Variants in PARD3B observed in about 807,000 individuals in gnomAD.
PARD3B encodes par-3 family cell polarity regulator beta.
Under a neutral mutation model 130.2 loss-of-function variants are expected in PARD3B, and 103 were observed. The ratio of observed to expected loss-of-function variants is 0.79; its 90% CI spans 0.67 to 0.93. The LOEUF is 0.93. Ranked by LOEUF, PARD3B falls within the 40% of genes least tolerant of loss-of-function variation. PARD3B has a pLI of 0.00. For synonymous variants in PARD3B, 583 were observed against 553.2 expected (o/e 1.05, Z -0.76); for missense variants, 1,609 against 1,499.2 (o/e 1.07, Z -1.21).
intron 2 of PARD3B, among the ~76,000 whole-genome samples, chr2:204,749,574 A>G (rs2040381308): frequency 6.6e-6 from 1 of 152,112 alleles, no homozygotes; most frequent in Non-Finnish European, 1.5e-5. Context: ...ATCTTTTTTT[A>G]TTCTAAAAAT....
chr2:204,916,492 T>C (rs1171754431), intron 2 of PARD3B, among the ~76,000 whole-genome samples: 3 of 152,226 alleles, frequency 2.0e-5, no homozygotes, highest in African/African-American at 7.2e-5. Flanking sequence ...CCAATTTATA[T>C]GGTAGCATAT....
At chr2:204,837,852 C>T (rs2044105566) in intron 2 of PARD3B, among the ~76,000 whole-genome samples, 1 of 152,088 alleles carries the variant, frequency 6.6e-6, no homozygotes, top group Admixed American at 6.6e-5. Context: ...TATGAGATAA[C>T]CCATCACATA....
At chr2:205,467,899 G>A (rs1575095495) in intron 20 of PARD3B, among the ~76,000 whole-genome samples, 1 of 152,144 alleles carries the variant, frequency 6.6e-6, no homozygotes, top group African/African-American at 2.4e-5. Flanking sequence ...ATAGACTAGG[G>A]TAAGAAAAAG....
intron 1 of PARD3B, among the ~76,000 whole-genome samples, chr2:204,639,586 C>G (rs558557144): frequency 6.6e-6 from 1 of 152,222 alleles, no homozygotes; most frequent in East Asian, 1.9e-4. Flanking sequence ...ACTGTTTACA[C>G]AGAATTTAAT....
At chr2:204,657,604 C>T (rs2035680815) in intron 1 of PARD3B, among the ~76,000 whole-genome samples, 1 of 152,104 alleles carries the variant, frequency 6.6e-6, no homozygotes, top group Non-Finnish European at 1.5e-5. Flanking sequence ...TTTATGAAGG[C>T]TGTGTGCTTA....
chr2:205,361,669 T>C (rs774706742), intron 18 of PARD3B, among the ~76,000 whole-genome samples: 1 of 152,228 alleles, frequency 6.6e-6, no homozygotes, highest in Non-Finnish European at 1.5e-5. Context: ...CAGTAGGTTT[T>C]ACTCACTTAA....
chr2:204,840,708 C>A (rs1231177583), intron 2 of PARD3B, among the ~76,000 whole-genome samples: 1 of 152,116 alleles, frequency 6.6e-6, no homozygotes, highest in Non-Finnish European at 1.5e-5. Flanking sequence ...TCCAGGGTTT[C>A]ATCTTCTGCA....
At chr2:205,331,802 A>AAAAG (rs1199979888) in intron 18 of PARD3B, among the ~76,000 whole-genome samples, 3 of 149,320 alleles carry the variant, frequency 2.0e-5, no homozygotes, top group Non-Finnish European at 4.4e-5. Context: ...AAAAAAAAAA[A>AAAAG]AAAGAAGTAG....
chr2:205,110,606 A>C lies in PARD3B; in HGVS notation c.594-2885A>C, dbSNP rs552965522. On this transcript the variant is annotated intron_variant, in intron 5 of 22. Coordinates refer to ENST00000406610, the MANE Select transcript of PARD3B (RefSeq NM_001302769.2). ...TGTATAACCAAAATATTTTTCTTTTATCTCACACAGTTTATTTTCTGTTTT... is the reference window on the plus strand; with the variant it reads ...TGTATAACCAAAATATTTTTCTTTTCTCTCACACAGTTTATTTTCTGTTTT... 2.7e-5 allele frequency among the ~76,000 whole-genome samples: 4 copies of C among 147,936 alleles called. No homozygotes were observed. In the South Asian group the frequency reaches 8.5e-4, roughly 32 times the overall value.
intron 2 of PARD3B, among the ~76,000 whole-genome samples, chr2:204,736,436 C>T (rs1236935099): frequency 6.6e-6 from 1 of 152,036 alleles, no homozygotes; most frequent in Non-Finnish European, 1.5e-5. Context: ...TTTCATCCTC[C>T]TCCTCCTGAG....
At chr2:204,816,365 G>A (rs1203446005) in intron 2 of PARD3B, among the ~76,000 whole-genome samples, 3 of 150,982 alleles carry the variant, frequency 2.0e-5, no homozygotes, top group South Asian at 2.1e-4. Context: ...GTGTAGATAC[G>A]TTTTTCTATC....
At chr2:204,984,301 G>T (rs899008352) in intron 3 of PARD3B, among the ~76,000 whole-genome samples, 2 of 152,074 alleles carry the variant, frequency 1.3e-5, no homozygotes, top group Admixed American at 6.6e-5. Flanking sequence ...ATAGTCAGTT[G>T]AGACTAATCA....
At chr2:205,155,082 G>A (rs2034028990) in intron 10 of PARD3B, among the ~76,000 whole-genome samples, 1 of 151,748 alleles carries the variant, frequency 6.6e-6, no homozygotes, top group African/African-American at 2.4e-5. Context: ...ACAAATTTAG[G>A]TTATTCTTAT....
At position 205,526,447 on chromosome 2, in the gene PARD3B, G is replaced by A. The variant is rs921619480; in HGVS notation, c.3180+26416G>A. 5.3e-5 allele frequency among the ~76,000 whole-genome samples: 8 copies of A among 152,160 alleles called. 1 individual carries two copies. The South Asian group carries it at 1.7e-3, about 32-fold the overall frequency. The stretch of plus-strand genomic sequence containing the variant: ...CCTTTTTCTAAAATTTTGGTAAGCA[G>A]ATATACCCAGAAGTATGCCAGCCAG... On this transcript the variant is annotated intron_variant, in intron 21 of 22. Transcript: ENST00000406610.
intron 21 of PARD3B, among the ~76,000 whole-genome samples, chr2:205,547,610 T>C (rs986562911): frequency 1.3e-5 from 2 of 152,122 alleles, no homozygotes; most frequent in Admixed American, 6.6e-5. Context: ...ACAATGCTCA[T>C]ATCAGGAGCC....
At chr2:205,107,680 C>A (rs1427438395) in intron 5 of PARD3B, among the ~76,000 whole-genome samples, 1 of 152,188 alleles carries the variant, frequency 6.6e-6, no homozygotes. Context: ...AAACACATTG[C>A]TCCATAAATC....
At position 205,241,776 on chromosome 2, in the gene PARD3B, A is replaced by G. The variant is rs1026424589; in HGVS notation, c.2141-4002A>G. On this transcript the variant is annotated intron_variant, in intron 15 of 22. Transcript: ENST00000406610. This position sits in a 1 kb window ranked among gnomAD's most constrained non-coding sequence, Gnocchi z 4.2. Reference sequence around the variant, plus strand: ...TCTCTTGTAAATAAGTCCTTTGTTTAAAATGACACACCTGTCACATTTCAT... The same window carrying G: ...TCTCTTGTAAATAAGTCCTTTGTTTGAAATGACACACCTGTCACATTTCAT... 2.0e-5 allele frequency among the ~76,000 whole-genome samples: 3 copies of G among 152,160 alleles called. No homozygotes were observed. The highest frequency in any genetic ancestry group is 4.4e-5 in the Non-Finnish European group (3 of 68,010).
intron 21 of PARD3B, among the ~76,000 whole-genome samples, chr2:205,509,104 A>G (rs925289120): frequency 6.6e-6 from 1 of 152,166 alleles, no homozygotes; most frequent in Non-Finnish European, 1.5e-5. Flanking sequence ...TAAATATAGC[A>G]TAAATCATTT....
At position 205,209,409 on chromosome 2, in the gene PARD3B, G is replaced by T. The variant is rs111878493; in HGVS notation, c.2140+16089G>T. On this transcript the variant is annotated intron_variant, in intron 15 of 22. Coordinates refer to ENST00000406610, the MANE Select transcript of PARD3B (RefSeq NM_001302769.2). ...CTGTGTTCCTTTTTAAAGAACTTTT[G>T]TTTTCATATAAGAACATCTTCCTAA... is the stretch of plus-strand genomic sequence containing the variant. Among the ~76,000 whole-genome samples, 1,222 of 152,176 alleles carry T rather than the reference G, an allele frequency of 8.0e-3. 17 individuals carry two copies. Among genetic ancestry groups the T allele is most frequent in the African/African-American group, 0.014 (573 of 41,540 alleles).
Sources: allele counts gnomAD v4.1 joint callset (sites outside exome capture counted in the v4.1 genomes callset), GRCh38; gene constraint gnomAD v4.1.1; non-coding constraint Gnocchi (gnomAD v3.1); transcripts MANE v1.5; gene names NCBI Gene and HGNC (gene_info 2026-07-23, HGNC 2026-07-21).